SNX27: variants seen among roughly 807,000 people sequenced by gnomAD.
The protein encoded by SNX27 is sorting nexin-27.
Under a neutral mutation model 71.6 loss-of-function variants are expected in SNX27, and 22 were observed. That is an observed-to-expected ratio of 0.31 (90% CI 0.22 to 0.44). The LOEUF (loss-of-function observed/expected upper bound fraction) is 0.44. Among genes scored for constraint, SNX27 ranks in the 20% least tolerant of loss-of-function variants. The pLI, the probability that SNX27 is intolerant of heterozygous loss-of-function variation, is 1.00. For missense variants in SNX27, 531 were observed against 698.6 expected, an observed-to-expected ratio of 0.76 and a Z score of 2.70; for synonymous variants, 269 against 277.2, an observed-to-expected ratio of 0.97 and a Z score of 0.29.
chr1:151,670,552 A>G (rs911196254), intron 7 of SNX27, among the ~76,000 whole-genome samples: 2 of 152,070 alleles, frequency 1.3e-5, no homozygotes, highest in Non-Finnish European at 2.9e-5. Flanking sequence ...CCTTGCCAGT[A>G]TTTGTTATTG....
chr1:151,615,094 C>T (rs934504251), intron 1 of SNX27, among the ~76,000 whole-genome samples: 2 of 152,212 alleles, frequency 1.3e-5, no homozygotes, highest in Non-Finnish European at 2.9e-5. Flanking sequence ...CTTTTTGGCA[C>T]ATCCTTTGTG....
chr1:151,662,333 A>T (rs1342186396), intron 5 of SNX27, 63 bp downstream of exon 5: 66 of 1,052,548 alleles, frequency 6.3e-5, no homozygotes, highest in Non-Finnish European at 8.7e-5. Flanking sequence ...GATAGATTAA[A>T]TAAGTCAATA....
chr1:151,692,384 C>T lies in SNX27; in HGVS notation c.1240-51C>T, dbSNP rs369060703. 5.3e-5 allele frequency: 79 copies of T among 1,477,756 alleles called. 1 individual carries two copies. The African/African-American group carries it at 1.1e-3, about 20-fold the overall frequency. The allele number at this position is 1,477,756 out of a possible 1,614,324, so 91.5% of individuals were successfully genotyped here. A position where few individuals can be genotyped will look rare whatever the true frequency, so the allele number is the denominator to read the frequency against. On this transcript the variant is annotated intron_variant, in intron 8 of 11. Transcript: ENST00000458013. ...TTTATTGTGTTTAATACCATAGTAACCCTGTTTCCTGTTTCTCCTTCCTTT... is the reference window on the plus strand; with the variant it reads ...TTTATTGTGTTTAATACCATAGTAATCCTGTTTCCTGTTTCTCCTTCCTTT...
intron 1 of SNX27, among the ~76,000 whole-genome samples, chr1:151,638,590 T>C (rs189843230): frequency 1.3e-3 from 204 of 152,282 alleles, no homozygotes; most frequent in African/African-American, 4.8e-3. Context: ...TGAAAAAGCT[T>C]TGTTTCCTCC....
At chr1:151,690,937 G>C (rs999685712) in intron 8 of SNX27, among the ~76,000 whole-genome samples, 1 of 152,100 alleles carries the variant, frequency 6.6e-6, no homozygotes, top group African/African-American at 2.4e-5. Context: ...GGGTAGTCTG[G>C]GCCTCTTCCT....
intron 2 of SNX27, among the ~76,000 whole-genome samples, chr1:151,646,012 TA>T (rs1669018959): frequency 6.6e-6 from 1 of 152,236 alleles, no homozygotes; most frequent in Non-Finnish European, 1.5e-5. Flanking sequence ...TTTCTTTATT[TA>T]TAATGAATAT....
At chr1:151,648,252 A>G (rs1571810920) in intron 2 of SNX27, among the ~76,000 whole-genome samples, 1 of 152,004 alleles carries the variant, frequency 6.6e-6, no homozygotes, top group Non-Finnish European at 1.5e-5. Flanking sequence ...ATGGGGTTTC[A>G]TCATGTTGCC....
At chr1:151,619,988 A>G (rs1667599694) in intron 1 of SNX27, among the ~76,000 whole-genome samples, 1 of 152,200 alleles carries the variant, frequency 6.6e-6, no homozygotes, top group Non-Finnish European at 1.5e-5. Flanking sequence ...GCCTAAGAAG[A>G]CTGGTGGGGA....
intron 1 of SNX27, among the ~76,000 whole-genome samples, chr1:151,630,387 T>C (rs1668170245): frequency 6.6e-6 from 1 of 152,142 alleles, no homozygotes; most frequent in Non-Finnish European, 1.5e-5. Flanking sequence ...AAAGTTGATA[T>C]TAAAAATAAT....
At chr1:151,621,444 TG>T (rs1384167975) in intron 1 of SNX27, among the ~76,000 whole-genome samples, 2 of 152,254 alleles carry the variant, frequency 1.3e-5, no homozygotes, top group African/African-American at 4.8e-5. Context: ...GGTCTGTTTT[TG>T]CTTAAGCTGT....
intron 1 of SNX27, among the ~76,000 whole-genome samples, chr1:151,631,825 A>G (rs1004486373): frequency 1.6e-4 from 25 of 152,268 alleles, no homozygotes; most frequent in African/African-American, 5.5e-4. Flanking sequence ...CGTGTGCACC[A>G]CCAGGCCCAG....
In SNX27 at chr1:151,697,640, C is replaced by G. The variant is rs776436367; in HGVS notation, c.*3223C>G. 1.3e-5 allele frequency: 2 copies of G among 152,798 alleles called. No individual in the cohort carries two copies. The highest frequency in any genetic ancestry group is 2.4e-5 in the African/African-American group (1 of 41,440). 9.5% of individuals were successfully genotyped at this position (152,798 alleles called of 1,614,324 possible). A position where few individuals can be genotyped will look rare whatever the true frequency, so the allele number is the denominator to read the frequency against. On this transcript the variant is annotated 3_prime_UTR_variant, in exon 12 of 12. Coordinates refer to ENST00000458013, the MANE Select transcript of SNX27 (RefSeq NM_001330723.2). ...GCGGGTTCCCTGTGGCTGCGTGGAT[C>G]CCATAGGATCAAGCCCTTCTTTGCA...
At chr1:151,662,964 G>A (rs566618774) in intron 5 of SNX27, among the ~76,000 whole-genome samples, 1 of 151,818 alleles carries the variant, frequency 6.6e-6, no homozygotes, top group South Asian at 2.1e-4. Context: ...TATCGGACCT[G>A]TGTGTACTTC....
At chr1:151,640,802 A>G (rs1264491756) in intron 2 of SNX27, among the ~76,000 whole-genome samples, 1 of 152,204 alleles carries the variant, frequency 6.6e-6, no homozygotes, top group African/African-American at 2.4e-5. Flanking sequence ...CACCACCACC[A>G]TGAAGATTTA....
Position 151,612,327 on chromosome 1 carries a change from G to T in SNX27, c.126G>T (p.Arg42=), listed in dbSNP as rs1422156556. ...GNGGGGGGGP[R]VVRIVKSESG... ...GCGGCGGGGGAGGCGGCGGCCCGCG[G>T]GTCGTGCGCATCGTCAAGTCCGAGT... is the stretch of plus-strand genomic sequence containing the variant. The change falls in exon 1 of 12, where the codon CGG becomes CGT. Residue 42 remains arginine, a synonymous_variant. Transcript: ENST00000458013. This position sits in a 1 kb window ranked among gnomAD's most constrained non-coding sequence, Gnocchi z 5.2. 6.5e-7 allele frequency: 1 copy of T among 1,531,456 alleles called. No individual in the cohort carries two copies. The highest frequency in any genetic ancestry group is 2.7e-5 in the East Asian group (1 of 36,976). 94.9% of individuals were successfully genotyped at this position (1,531,456 alleles called of 1,614,324 possible). A position where few individuals can be genotyped will look rare whatever the true frequency, so the allele number is the denominator to read the frequency against.
chr1:151,690,485 C>T (rs931223277), intron 8 of SNX27, among the ~76,000 whole-genome samples: 1 of 151,884 alleles, frequency 6.6e-6, no homozygotes, highest in African/African-American at 2.4e-5. Context: ...TTTGAGATTG[C>T]AGTGGTGCAG....
intron 1 of SNX27, among the ~76,000 whole-genome samples, chr1:151,617,015 A>T (rs1228788372): frequency 6.6e-6 from 1 of 152,060 alleles, no homozygotes; most frequent in Non-Finnish European, 1.5e-5. Flanking sequence ...TATCTTCATG[A>T]TTATATTGAG....
At chr1:151,670,949 T>C (rs1670430563) in intron 7 of SNX27, among the ~76,000 whole-genome samples, 1 of 152,186 alleles carries the variant, frequency 6.6e-6, no homozygotes, top group African/African-American at 2.4e-5. Context: ...TCTATTTTGA[T>C]GTGACTTTTG....
intron 2 of SNX27, among the ~76,000 whole-genome samples, chr1:151,642,364 G>A (rs1216568536): frequency 6.6e-6 from 1 of 151,140 alleles, no homozygotes; most frequent in African/African-American, 2.4e-5. Flanking sequence ...TCCAGCCTGG[G>A]CAACATCTCA....
Sources: allele counts gnomAD v4.1 joint callset (sites outside exome capture counted in the v4.1 genomes callset), GRCh38; gene constraint gnomAD v4.1.1; non-coding constraint Gnocchi (gnomAD v3.1); transcripts MANE v1.5; gene names NCBI Gene and HGNC (gene_info 2026-07-23, HGNC 2026-07-21).